The following NYAP2 variants were observed in gnomAD, a reference collection of about 807,000 sequenced individuals.
NYAP2 encodes the protein neuronal tyrosine-phosphorylated phosphoinositide-3-kinase adapter 2.
Under a neutral mutation model 50.4 loss-of-function variants are expected in NYAP2, and 23 were observed. That is an observed-to-expected ratio of 0.46 (90% CI 0.33 to 0.65). NYAP2 has a LOEUF of 0.65. Among genes scored for constraint, NYAP2 ranks in the 30% least tolerant of loss-of-function variants. The probability of loss-of-function intolerance (pLI) is 0.02; values close to 1 mark genes in which losing one functional copy is unlikely to be tolerated. For missense variants in NYAP2, 885 were observed against 861.0 expected (o/e 1.03, Z -0.35); for synonymous variants, 394 against 365.2 (o/e 1.08, Z -0.90).
chr2:225,480,102 T>G (rs1356702093), intron 3 of NYAP2, among the ~76,000 whole-genome samples: 1 of 152,120 alleles, frequency 6.6e-6, no homozygotes, highest in Non-Finnish European at 1.5e-5. Context: ...GAATTCCTAA[T>G]GTAGACAATT....
At chr2:225,662,604 G>A in the NYAP2 span, among the ~76,000 whole-genome samples, 1 of 152,254 alleles carries the variant, frequency 6.6e-6, no homozygotes, top group Non-Finnish European at 1.5e-5. Context: ...CTGCATTAGA[G>A]CTAGTTAATA....
At chr2:225,691,424 AAAC>A in the NYAP2 span, among the ~76,000 whole-genome samples, 5 of 152,176 alleles carry the variant, frequency 3.3e-5, no homozygotes, top group African/African-American at 1.2e-4. Context: ...AAAAATATAA[AAAC>A]AAATTCTTAC....
intron 3 of NYAP2, among the ~76,000 whole-genome samples, chr2:225,441,214 C>A (rs758883642): frequency 1.1e-4 from 17 of 152,298 alleles, no homozygotes; most frequent in Non-Finnish European, 2.2e-4. Flanking sequence ...ACTAATACTA[C>A]ACAATAGTCT....
At chr2:225,425,254 G>A (rs982236074) in intron 3 of NYAP2, among the ~76,000 whole-genome samples, 12 of 152,164 alleles carry the variant, frequency 7.9e-5, no homozygotes, top group Middle Eastern at 3.4e-3. Context: ...AGCCTGGTTC[G>A]TTTTAAACTA....
chr2:225,553,955 G>T (rs1691726914), intron 4 of NYAP2, among the ~76,000 whole-genome samples: 2 of 152,152 alleles, frequency 1.3e-5, no homozygotes, highest in Non-Finnish European at 2.9e-5. Context: ...GGGAAGCAGA[G>T]GTTGTAGTGA....
At chr2:225,616,469 C>T (rs1692994179) in intron 5 of NYAP2, among the ~76,000 whole-genome samples, 1 of 152,172 alleles carries the variant, frequency 6.6e-6, no homozygotes, top group African/African-American at 2.4e-5. Context: ...ACTTCTCTGT[C>T]TGGCTGGCTC....
At chr2:225,586,142 T>G (rs1054492174) in intron 5 of NYAP2, among the ~76,000 whole-genome samples, 1 of 152,208 alleles carries the variant, frequency 6.6e-6, no homozygotes, top group African/African-American at 2.4e-5. Context: ...TTTGTTTTAA[T>G]TAAGGAAAAC....
At chr2:225,624,628 A>AT (rs1323108062) in intron 5 of NYAP2, among the ~76,000 whole-genome samples, 1 of 152,124 alleles carries the variant, frequency 6.6e-6, no homozygotes, top group Non-Finnish European at 1.5e-5. Flanking sequence ...TGATTTGGCA[A>AT]TTTTCCATTT....
intron 3 of NYAP2, among the ~76,000 whole-genome samples, chr2:225,417,473 A>G (rs1311015278): frequency 6.6e-6 from 1 of 152,154 alleles, no homozygotes; most frequent in Non-Finnish European, 1.5e-5. Flanking sequence ...TGGAATATTC[A>G]TGTCCATACT....
chr2:225,703,435 A>G, the NYAP2 span: 1 of 151,754 alleles, frequency 6.6e-6, no homozygotes, highest in East Asian at 1.9e-4. Context: ...TTCTATATAT[A>G]TAATAATATA....
At chr2:225,441,324 T>C (rs1185198315) in intron 3 of NYAP2, among the ~76,000 whole-genome samples, 17 of 152,140 alleles carry the variant, frequency 1.1e-4, no homozygotes, top group Admixed American at 6.5e-4. Context: ...ATCTAATAAT[T>C]AACAAGGGCA....
At chr2:225,416,633 G>T (rs767857893) in intron 3 of NYAP2, among the ~76,000 whole-genome samples, 2 of 152,050 alleles carry the variant, frequency 1.3e-5, no homozygotes, top group Non-Finnish European at 2.9e-5. Context: ...ATTTAAAAAA[G>T]TTCCTTTAAA....
chr2:225,482,696 C>T (rs1331630339), intron 3 of NYAP2, among the ~76,000 whole-genome samples: 1 of 152,192 alleles, frequency 6.6e-6, no homozygotes, highest in Admixed American at 6.5e-5. Context: ...CTATTTTCCT[C>T]ACTGTCACCT....
intron 4 of NYAP2, among the ~76,000 whole-genome samples, chr2:225,579,335 A>C (rs1386855778): frequency 6.6e-6 from 1 of 152,148 alleles, no homozygotes; most frequent in African/African-American, 2.4e-5. Context: ...CATAAGAGCC[A>C]TATGTTATAT....
intron 5 of NYAP2, among the ~76,000 whole-genome samples, chr2:225,592,290 C>T (rs1242758872): frequency 6.6e-6 from 1 of 152,080 alleles, no homozygotes; most frequent in Non-Finnish European, 1.5e-5. Flanking sequence ...GTAGTTTGGC[C>T]CATGGCTACT....
intron 5 of NYAP2, among the ~76,000 whole-genome samples, chr2:225,621,414 C>A (rs576386971): frequency 6.6e-6 from 1 of 152,018 alleles, no homozygotes; most frequent in South Asian, 2.1e-4. Flanking sequence ...ACATGACATA[C>A]CTAATGTAGT....
At chr2:225,694,825 C>A in the NYAP2 span, among the ~76,000 whole-genome samples, 12 of 151,656 alleles carry the variant, frequency 7.9e-5, no homozygotes, top group African/African-American at 2.9e-4. Context: ...TTGTCTGATA[C>A]CTAGCCATCT....
chr2:225,671,816 T>A, the NYAP2 span, among the ~76,000 whole-genome samples: 1 of 152,146 alleles, frequency 6.6e-6, no homozygotes, highest in Non-Finnish European at 1.5e-5. Flanking sequence ...TTAGCAGGCA[T>A]AAAAACATTA....
intron 3 of NYAP2, among the ~76,000 whole-genome samples, chr2:225,446,983 G>A (rs1431599210): frequency 6.6e-6 from 1 of 151,992 alleles, no homozygotes; most frequent in African/African-American, 2.4e-5. Context: ...GAGAAGCCAA[G>A]CTAAACTACA....
Sources: allele counts gnomAD v4.1 joint callset (sites outside exome capture counted in the v4.1 genomes callset), GRCh38; gene constraint gnomAD v4.1.1; transcripts MANE v1.5; gene names NCBI Gene and HGNC (gene_info 2026-07-23, HGNC 2026-07-21).